Variants in THSD7A observed in about 807,000 individuals in gnomAD.
THSD7A encodes the protein thrombospondin type 1 domain containing 7A.
A neutral mutation model predicts 231.3 loss-of-function variants in THSD7A; 96 were observed. That is an observed-to-expected ratio of 0.41 (90% confidence interval 0.35 to 0.49). The LOEUF (loss-of-function observed/expected upper bound fraction) is 0.49. Ranked by LOEUF, THSD7A falls within the 20% of genes least tolerant of loss-of-function variation. THSD7A has a pLI of 0.05. For missense variants in THSD7A, 2,290 were observed against 2,070.2 expected (o/e 1.11, Z -2.06); for synonymous variants, 940 against 743.3 (o/e 1.26, Z -4.30).
chr7:11,636,093 G>T lies in THSD7A; in HGVS notation c.1022+37C>A. 6.4e-7 allele frequency: 1 copy of T among 1,552,022 alleles called. No homozygotes were observed. Among genetic ancestry groups the T allele is most frequent in the Non-Finnish European group, 8.8e-7 (1 of 1,141,014 alleles). ...TCTTAGGTACTCATGATTCTTGACA[G>T]ACAAGCCTGTGTAGTTAACAGTAAT... On this transcript the variant is annotated intron_variant, in intron 2 of 27. Transcript: ENST00000423059. This position sits in a 1 kb window ranked among gnomAD's most constrained non-coding sequence, Gnocchi z 10.0.
At chr7:11,409,144 A>G (rs1319093692) in intron 19 of THSD7A, among the ~76,000 whole-genome samples, 1 of 152,244 alleles carries the variant, frequency 6.6e-6, no homozygotes, top group African/African-American at 2.4e-5. Context: ...TCTAAGAAAT[A>G]GGAAAGAAAA....
chr7:11,445,224 T>C, intron 13 of THSD7A, among the ~76,000 whole-genome samples: 1 of 152,044 alleles, frequency 6.6e-6, no homozygotes, highest in Non-Finnish European at 1.5e-5. Context: ...TAAGAGATCA[T>C]CATCTGGTGT....
At chr7:11,439,475 C>T (rs1050346168) in intron 13 of THSD7A, among the ~76,000 whole-genome samples, 3 of 151,902 alleles carry the variant, frequency 2.0e-5, no homozygotes, top group African/African-American at 7.3e-5. Flanking sequence ...GATCTGTAAT[C>T]AGTGATCTTT....
At chr7:11,668,866 T>C (rs1042183127) in intron 1 of THSD7A, among the ~76,000 whole-genome samples, 1 of 152,166 alleles carries the variant, frequency 6.6e-6, no homozygotes, top group African/African-American at 2.4e-5. Flanking sequence ...CTGGTTACTA[T>C]ATATAGGGTG....
chr7:11,799,147 T>C (rs185075001), intron 1 of THSD7A, among the ~76,000 whole-genome samples: 2 of 152,268 alleles, frequency 1.3e-5, no homozygotes, highest in East Asian at 1.9e-4. Flanking sequence ...GGTCTCGATC[T>C]CTTGACCTCA....
At chr7:11,664,305 A>G (rs1584171552) in intron 1 of THSD7A, among the ~76,000 whole-genome samples, 2 of 151,960 alleles carry the variant, frequency 1.3e-5, no homozygotes, top group Non-Finnish European at 2.9e-5. Flanking sequence ...CGAATAACAG[A>G]TGGCTGGGAG....
intron 11 of THSD7A, among the ~76,000 whole-genome samples, chr7:11,452,223 A>C (rs192036301): frequency 6.6e-6 from 1 of 152,078 alleles, no homozygotes; most frequent in African/African-American, 2.4e-5. Flanking sequence ...AATAGCGAGA[A>C]TGAATCATGT....
chr7:11,511,992 C>T (rs964490995), intron 6 of THSD7A, among the ~76,000 whole-genome samples: 39 of 152,282 alleles, frequency 2.6e-4, no homozygotes, highest in African/African-American at 8.7e-4. Flanking sequence ...TCAGAGTGAA[C>T]AGGCAACCTA....
chr7:11,407,224 T>C, intron 20 of THSD7A, 82 bp downstream of exon 20: 1 of 1,429,122 alleles, frequency 7.0e-7, no homozygotes. Flanking sequence ...TGAAGATTAT[T>C]TGATATGGGT....
chr7:11,570,439 C>T (rs1366532094), intron 4 of THSD7A, among the ~76,000 whole-genome samples: 1 of 152,014 alleles, frequency 6.6e-6, no homozygotes, highest in Non-Finnish European at 1.5e-5. Flanking sequence ...AGTTGGGTGA[C>T]TTTAGTTAAT....
intron 1 of THSD7A, among the ~76,000 whole-genome samples, chr7:11,826,180 T>C (rs1351333847): frequency 3.3e-5 from 5 of 152,242 alleles, no homozygotes. Flanking sequence ...AGTAATGTCC[T>C]GCATTAGATG....
In THSD7A at chr7:11,636,979, C is replaced by A. The variant is rs757192195; in HGVS notation, c.191-18G>T. 53 of 1,581,806 alleles carry A rather than the reference C, an allele frequency of 3.4e-5. No individual in the cohort carries two copies. The highest frequency in any genetic ancestry group is 4.5e-5 in the Non-Finnish European group (53 of 1,167,706). On this transcript the variant is annotated intron_variant, in intron 1 of 27. Transcript: ENST00000423059. The surrounding 1 kb of genome is among the most constrained non-coding windows in gnomAD (Gnocchi z 10.0). The stretch of plus-strand genomic sequence containing the variant: ...CCATGGACCTACAAAAATTATAACA[C>A]AAAAATTAGCAGTGCTACTAGAAGA...
At chr7:11,463,020 T>C (rs1785563631) in intron 9 of THSD7A, among the ~76,000 whole-genome samples, 2 of 152,300 alleles carry the variant, frequency 1.3e-5, no homozygotes, top group African/African-American at 4.8e-5. Context: ...AAAATAATTC[T>C]CTAAAGAATT....
chr7:11,650,310 C>T (rs538300009), intron 1 of THSD7A, among the ~76,000 whole-genome samples: 1 of 152,122 alleles, frequency 6.6e-6, no homozygotes, highest in African/African-American at 2.4e-5. Flanking sequence ...CCTGCATCTT[C>T]TGAATCTTTG....
At position 11,376,877 on chromosome 7, in the gene THSD7A, A is replaced by G. The variant is rs1028610977; in HGVS notation, c.4802-220T>C. 1.9e-5 allele frequency: 7 copies of G among 369,548 alleles called. No individual in the cohort carries two copies. In the East Asian group the frequency reaches 2.8e-4, roughly 15 times the overall value. The allele number at this position is 369,548 out of a possible 1,614,324, so 22.9% of individuals were successfully genotyped here. A position where few individuals can be genotyped will look rare whatever the true frequency, so the allele number is the denominator to read the frequency against. ...TCAAGGAAAACTGAACTGAAAAATT[A>G]TAAATGTTTGACTTCAGATTTCAAG... is the stretch of plus-strand genomic sequence containing the variant. On this transcript the variant is annotated intron_variant, in intron 26 of 27. Coordinates refer to ENST00000423059, the MANE Select transcript of THSD7A (RefSeq NM_015204.3).
chr7:11,563,169 A>G (rs930567165), intron 4 of THSD7A, among the ~76,000 whole-genome samples: 1 of 150,456 alleles, frequency 6.6e-6, no homozygotes, highest in African/African-American at 2.5e-5. Flanking sequence ...CCTGGTTAAT[A>G]TAATGGTGAC....
chr7:11,652,583 A>G (rs1251366617), intron 1 of THSD7A, among the ~76,000 whole-genome samples: 1 of 152,022 alleles, frequency 6.6e-6, no homozygotes, highest in Non-Finnish European at 1.5e-5. Flanking sequence ...ATATGTCTGT[A>G]AATATACTTC....
rs557064779 is a variant in THSD7A at position 11,641,505 on chromosome 7, T to C, written c.191-4544A>G. Among the ~76,000 whole-genome samples the C allele has an allele frequency of 4.6e-5, 7 of 152,242 alleles. No homozygotes were observed. In the South Asian group the frequency reaches 1.4e-3, roughly 32 times the overall value. On this transcript the variant is annotated intron_variant, in intron 1 of 27. Transcript: ENST00000423059. ...CTAAGAAAAGCATATGTTATAAATA[T>C]AAATATATTCCAATTCCCATTTCAA...
chr7:11,435,785 C>T (rs1784614853), intron 13 of THSD7A, among the ~76,000 whole-genome samples: 1 of 151,930 alleles, frequency 6.6e-6, no homozygotes, highest in Admixed American at 6.6e-5. Flanking sequence ...ATTACTGAGC[C>T]TGGGGCAGTA....
Sources: allele counts gnomAD v4.1 joint callset (sites outside exome capture counted in the v4.1 genomes callset), GRCh38; gene constraint gnomAD v4.1.1; non-coding constraint Gnocchi (gnomAD v3.1); transcripts MANE v1.5; gene names NCBI Gene and HGNC (gene_info 2026-07-23, HGNC 2026-07-21).